Variants in RFLNA observed in about 807,000 individuals in gnomAD.
RFLNA encodes refilin-A.
In RFLNA, 5 loss-of-function variants were observed where a neutral mutation model predicts 7.8. That is an observed-to-expected ratio of 0.64 (90% CI 0.34 to 1.35). The LOEUF is 1.35. RFLNA is among the 40% of genes most tolerant of loss of function. The pLI is 0.04. For missense variants in RFLNA, 278 were observed against 305.5 expected, an observed-to-expected ratio of 0.91 and a Z score of 0.67; for synonymous variants, 141 against 131.3, an observed-to-expected ratio of 1.07 and a Z score of -0.50.
upstream of RFLNA, among the ~76,000 whole-genome samples, chr12:124,290,436 A>C (rs149149638): frequency 6.6e-6 from 1 of 152,154 alleles, no homozygotes; most frequent in South Asian, 2.1e-4. This position sits in a 1 kb window ranked among gnomAD's most constrained non-coding sequence, Gnocchi z 4.0. Flanking sequence ...GTATGTGCAT[A>C]CATGTGTATG....
At chr12:124,305,337 C>T (rs2034119495) in intron 1 of RFLNA, among the ~76,000 whole-genome samples, 2 of 152,168 alleles carry the variant, frequency 1.3e-5, no homozygotes, top group African/African-American at 2.4e-5. Context: ...GCCTGGGAGG[C>T]GGGTCCTCCT....
At chr12:124,313,633 C>T (rs1361180246) in intron 2 of RFLNA, among the ~76,000 whole-genome samples, 1 of 151,180 alleles carries the variant, frequency 6.6e-6, no homozygotes, top group Admixed American at 6.6e-5. Flanking sequence ...GAGCCGAGAT[C>T]GCGCCACTGC....
rs2034313189 is a variant in RFLNA, at chr12:124,314,468, G to A, written c.594G>A (p.Val198=). Residue 198 remains valine, a synonymous_variant, in exon 3 of 3, where the codon GTG becomes GTA. Transcript: ENST00000546355. ...CCAGCCGCTGGTTCACCGCCAGCGT[G>A]CAGCTGCAGCTTTGCCAGGACCCTG... ...GRPSRWFTAS[V]QLQLCQDPAP... is the part of the protein sequence containing the mutation. The A allele has an allele frequency of 6.3e-7, 1 of 1,599,002 alleles. No individual in the cohort carries two copies. Among genetic ancestry groups the A allele is most frequent in the Non-Finnish European group, 8.5e-7 (1 of 1,179,312 alleles).
chr12:124,309,148 G>T lies in RFLNA; in HGVS notation c.208-2670G>T, dbSNP rs79545663. 8.5e-3 allele frequency among the ~76,000 whole-genome samples: 1,297 copies of T among 151,928 alleles called. 13 individuals are homozygous for T. Among genetic ancestry groups the T allele is most frequent in the African/African-American group, 0.028 (1,155 of 41,458 alleles). On this transcript the variant is annotated intron_variant, in intron 1 of 2. Transcript: ENST00000546355. Reference sequence around the variant, plus strand: ...GCTGTTTGTGGCTGTGTGGCCCTGGGGCCCAGTGGGGGCACTCCAGGACCT... The same window carrying T: ...GCTGTTTGTGGCTGTGTGGCCCTGGTGCCCAGTGGGGGCACTCCAGGACCT...
At chr12:124,291,759 G>A (rs568229085), upstream of RFLNA, among the ~76,000 whole-genome samples, 13 of 150,634 alleles carry the variant, frequency 8.6e-5, no homozygotes, top group East Asian at 3.9e-4. Flanking sequence ...GGCCTTCCTC[G>A]CAGAGTTGAG....
Position 124,299,868 on chromosome 12 carries a change from A to G in RFLNA, c.207+4232A>G, listed in dbSNP as rs528753622. On this transcript the variant is annotated intron_variant, in intron 1 of 2. Transcript: ENST00000546355. The stretch of plus-strand genomic sequence containing the variant: ...CTGGACTGTCACTGCAGATTGAGCA[A>G]ACACCCATTGCTCTTCTCCTCCTCC... 1.1e-4 allele frequency among the ~76,000 whole-genome samples: 17 copies of G among 152,298 alleles called. No individual in the cohort carries two copies. In the South Asian group the frequency reaches 3.5e-3, roughly 32 times the overall value.
intron 1 of RFLNA, among the ~76,000 whole-genome samples, chr12:124,300,525 G>A (rs562618999): frequency 2.0e-4 from 31 of 152,174 alleles, no homozygotes; most frequent in Non-Finnish European, 4.1e-4. Context: ...AGAGAGGAGA[G>A]GGAAGGGAGC....
chr12:124,301,651 A>G (rs1025502083), intron 1 of RFLNA, among the ~76,000 whole-genome samples: 2 of 152,158 alleles, frequency 1.3e-5, no homozygotes, highest in East Asian at 1.9e-4. Context: ...TTTTTTGTGT[A>G]CAGAGATGGG....
At chr12:124,305,878 G>A (rs184224732) in intron 1 of RFLNA, among the ~76,000 whole-genome samples, 272 of 152,196 alleles carry the variant, frequency 1.8e-3, no homozygotes, top group Middle Eastern at 3.4e-3. Context: ...CTCTCTTTTG[G>A]GCCACTCACT....
Position 124,295,652 on chromosome 12 carries a change from C to G in RFLNA, c.207+16C>G, listed in dbSNP as rs2033895089. The G allele has an allele frequency of 4.1e-6, 5 of 1,232,654 alleles. No individual in the cohort carries two copies. The highest frequency in any genetic ancestry group is 5.1e-6 in the Non-Finnish European group (5 of 987,958). The allele number at this position is 1,232,654 out of a possible 1,614,324, so 76.4% of individuals were successfully genotyped here. A position where few individuals can be genotyped will look rare whatever the true frequency, so the allele number is the denominator to read the frequency against. ...GGCCAGAGCGGTAAGGAGGCGCTCT[C>G]TCTCCCAAACGGGGGACCGCGTGGG... On this transcript the variant is annotated intron_variant, in intron 1 of 2. Transcript: ENST00000546355.
At chr12:124,299,345 A>T (rs1487992077) in intron 1 of RFLNA, among the ~76,000 whole-genome samples, 2 of 152,184 alleles carry the variant, frequency 1.3e-5, no homozygotes, top group Admixed American at 6.5e-5. Flanking sequence ...CAGTTTTTTT[A>T]AATTTATTTT....
At chr12:124,290,225 T>C (rs2033798032), upstream of RFLNA, among the ~76,000 whole-genome samples, 1 of 152,190 alleles carries the variant, frequency 6.6e-6, no homozygotes, top group Non-Finnish European at 1.5e-5. The surrounding 1 kb of genome is among the most constrained non-coding windows in gnomAD (Gnocchi z 4.0). Context: ...TGTGTGTGTA[T>C]GTGTGTAGAT....
At chr12:124,307,491 T>G (rs533574184) in intron 1 of RFLNA, among the ~76,000 whole-genome samples, 1 of 152,194 alleles carries the variant, frequency 6.6e-6, no homozygotes, top group Non-Finnish European at 1.5e-5. Flanking sequence ...TGGTCACAGC[T>G]GTGCCGTCGC....
chr12:124,297,873 G>A (rs970962630), intron 1 of RFLNA, among the ~76,000 whole-genome samples: 3 of 134,256 alleles, frequency 2.2e-5, no homozygotes, highest in East Asian at 2.6e-4. Flanking sequence ...GTTAACTCCC[G>A]CTAAACTTTG....
At chr12:124,308,051 G>A (rs559072759) in intron 1 of RFLNA, among the ~76,000 whole-genome samples, 41 of 150,664 alleles carry the variant, frequency 2.7e-4, no homozygotes, top group African/African-American at 9.5e-4. Flanking sequence ...GCGCGATCTC[G>A]GCTCACTGCA....
At chr12:124,310,195 A>AAAAAAAAAAAAAAAAAAAAAC (rs1227402468) in intron 1 of RFLNA, among the ~76,000 whole-genome samples, 2 of 146,182 alleles carry the variant, frequency 1.4e-5, no homozygotes, top group East Asian at 2.0e-4. Flanking sequence ...AAAAAAAAAA[A>AAAAAAAAAAAAAAAAAAAAAC]AGCCTTTAGA....
upstream of RFLNA, among the ~76,000 whole-genome samples, chr12:124,292,389 A>G (rs749453408): frequency 1.2e-4 from 19 of 152,220 alleles, no homozygotes; most frequent in Admixed American, 2.0e-4. Flanking sequence ...ACTGGCCACA[A>G]GAGCCTCCTG....
rs2034132630 is a variant in RFLNA at position 124,306,099 on chromosome 12, C to A, written c.208-5719C>A. Among the ~76,000 whole-genome samples, 4 of 152,132 alleles carry A rather than the reference C, an allele frequency of 2.6e-5. No homozygotes were observed. The highest frequency in any genetic ancestry group is 9.7e-5 in the African/African-American group (4 of 41,414). ...GACAGGTATGGGCCCATACTCGGGG[C>A]TCTCTGGGTTGGGGCAGGGGCTGCT... On this transcript the variant is annotated intron_variant, in intron 1 of 2. Coordinates refer to ENST00000546355, the MANE Select transcript of RFLNA (RefSeq NM_001365156.1). This position sits in a 1 kb window ranked among gnomAD's most constrained non-coding sequence, Gnocchi z 5.2.
intron 1 of RFLNA, among the ~76,000 whole-genome samples, chr12:124,296,540 G>A (rs1222835540): frequency 2.0e-5 from 3 of 148,176 alleles, no homozygotes; most frequent in African/African-American, 7.3e-5. Flanking sequence ...CTGCTGGGGC[G>A]TGTGTGCTGG....
Sources: gnomAD v4.1 joint callset for allele counts (sites outside exome capture counted in the v4.1 genomes callset) on GRCh38, gnomAD v4.1.1 for gene constraint, Gnocchi (gnomAD v3.1) non-coding constraint, MANE v1.5 for transcripts, NCBI Gene and HGNC (gene_info 2026-07-23, HGNC 2026-07-21) for gene names.